The following CCDC171 variants were observed in gnomAD, a reference collection of about 807,000 sequenced individuals.
CCDC171 encodes coiled-coil domain-containing protein 171.
CCDC171 carries 177 observed loss-of-function variants against 168.2 expected under a neutral mutation model. The observed-to-expected ratio is 1.05, with a 90% CI of 0.93 to 1.19. The LOEUF is 1.19. Ranked by LOEUF, CCDC171 falls within the 50% of genes most tolerant of loss-of-function variation. The pLI, the probability that CCDC171 is intolerant of heterozygous loss-of-function variation, is 0.00. For missense variants in CCDC171, 1,991 were observed against 1,539.0 expected (o/e 1.29, Z -4.91); for synonymous variants, 687 against 540.8 (o/e 1.27, Z -3.75).
At chr9:15,710,609 T>G (rs920447966) in intron 11 of CCDC171, among the ~76,000 whole-genome samples, 1 of 143,466 alleles carries the variant, frequency 7.0e-6, no homozygotes, top group Non-Finnish European at 1.5e-5. Flanking sequence ...CCCTCTTTCA[T>G]TTTTTTGAGA....
At chr9:15,822,442 A>G (rs1038970263) in intron 21 of CCDC171, among the ~76,000 whole-genome samples, 2 of 151,960 alleles carry the variant, frequency 1.3e-5, no homozygotes, top group Admixed American at 1.3e-4. Context: ...CATCTGACAA[A>G]GGGCTAATAT....
chr9:15,748,811 C>T (rs1488276800), intron 18 of CCDC171, among the ~76,000 whole-genome samples: 2 of 152,268 alleles, frequency 1.3e-5, no homozygotes, highest in African/African-American at 4.8e-5. Context: ...CTTACAAGAG[C>T]TCCTGAAGGA....
the CCDC171 span, among the ~76,000 whole-genome samples, chr9:16,077,465 G>C: frequency 7.9e-5 from 12 of 152,180 alleles, no homozygotes; most frequent in African/African-American, 2.4e-4. Flanking sequence ...GCTTGGCCAA[G>C]CGAATCACTT....
At chr9:16,067,112 C>T in the CCDC171 span, among the ~76,000 whole-genome samples, 4 of 151,946 alleles carry the variant, frequency 2.6e-5, no homozygotes, top group Non-Finnish European at 5.9e-5. Context: ...TCCACATCCT[C>T]TCCAGCACCT....
At chr9:16,058,398 AGCAGGTATGCT>A (rs573062687) in intron 1 of CCDC171, among the ~76,000 whole-genome samples, 129 of 152,202 alleles carry the variant, frequency 8.5e-4, no homozygotes, top group African/African-American at 2.5e-3. Context: ...CTGCAGTGAC[AGCAGGTATGCT>A]GCAGGTATGC....
intron 16 of CCDC171, among the ~76,000 whole-genome samples, chr9:15,737,896 CAATCCCATTAGCAA>C (rs1389947213): frequency 6.6e-6 from 1 of 152,110 alleles, no homozygotes; most frequent in East Asian, 1.9e-4. Context: ...CACTATTTTA[CAATCCCATTAGCAA>C]TGTCTGAGAG....
chr9:15,870,620 C>T (rs2061994360), intron 23 of CCDC171, among the ~76,000 whole-genome samples: 2 of 151,438 alleles, frequency 1.3e-5, no homozygotes, highest in East Asian at 3.9e-4. Context: ...GCTTGGTATC[C>T]AATTGGTAAA....
chr9:15,642,341 GTGTATA>G (rs1190635889), intron 7 of CCDC171, among the ~76,000 whole-genome samples: 84 of 40,930 alleles, frequency 2.1e-3, no homozygotes, highest in African/African-American at 5.2e-3. Context: ...ACGTGTGTGT[GTGTATA>G]TATATATATA....
At chr9:15,555,627 C>T (rs1011097824) in intron 1 of CCDC171, among the ~76,000 whole-genome samples, 5 of 152,090 alleles carry the variant, frequency 3.3e-5, no homozygotes, top group Non-Finnish European at 5.9e-5. Flanking sequence ...AAATCCTGAC[C>T]CTGTCACTAG....
At chr9:15,964,823 C>T (rs757633569) in intron 25 of CCDC171, among the ~76,000 whole-genome samples, 3 of 152,118 alleles carry the variant, frequency 2.0e-5, no homozygotes, top group Admixed American at 6.5e-5. Context: ...TGCAATGGCG[C>T]GATCTCAGCT....
chr9:15,627,190 A>G (rs574729463), intron 7 of CCDC171, among the ~76,000 whole-genome samples: 88 of 151,736 alleles, frequency 5.8e-4, no homozygotes, highest in African/African-American at 2.0e-3. Context: ...TGTTGCGCCT[A>G]TTTGATTCTT....
intron 3 of CCDC171, among the ~76,000 whole-genome samples, chr9:15,993,175 T>G (rs1256063317): frequency 6.6e-6 from 1 of 151,722 alleles, no homozygotes; most frequent in South Asian, 2.1e-4. Context: ...GGAGGCATCA[T>G]GCTACCTGAC....
At chr9:16,055,996 G>A (rs1833832925) in intron 1 of CCDC171, among the ~76,000 whole-genome samples, 1 of 152,196 alleles carries the variant, frequency 6.6e-6, no homozygotes, top group Non-Finnish European at 1.5e-5. Flanking sequence ...ATGTTTCTGA[G>A]AAGGAGGCAA....
chr9:15,754,366 A>G (rs2055959466), intron 18 of CCDC171, among the ~76,000 whole-genome samples: 2 of 152,086 alleles, frequency 1.3e-5, no homozygotes, highest in African/African-American at 2.4e-5. Context: ...ATAAATGAAG[A>G]TATTATCTTC....
At chr9:15,898,275 T>C (rs1821161089) in intron 24 of CCDC171, among the ~76,000 whole-genome samples, 1 of 152,138 alleles carries the variant, frequency 6.6e-6, no homozygotes, top group Non-Finnish European at 1.5e-5. Flanking sequence ...TTGTAGAGTG[T>C]GGGGTTCACC....
intron 11 of CCDC171, among the ~76,000 whole-genome samples, chr9:15,701,786 C>G (rs930358888): frequency 6.6e-6 from 1 of 152,078 alleles, no homozygotes; most frequent in Non-Finnish European, 1.5e-5. Flanking sequence ...TAAGGAACTC[C>G]TCAAAGTCAT....
chr9:15,838,805 G>T (rs548865751), intron 21 of CCDC171, among the ~76,000 whole-genome samples: 1 of 152,256 alleles, frequency 6.6e-6, no homozygotes, highest in East Asian at 1.9e-4. Context: ...TAGCAGCTAA[G>T]ATCTCCCTAA....
In CCDC171 at chr9:15,724,961, C is replaced by G. The variant is rs147078175; in HGVS notation, c.1677C>G (p.Phe559Leu). 1.2e-6 allele frequency: 2 copies of G among 1,613,538 alleles called. No homozygotes were observed. Among genetic ancestry groups the G allele is most frequent in the African/African-American group, 1.3e-5 (1 of 74,882 alleles). Residue 559 changes from phenylalanine (F) to leucine (L), a missense_variant, in exon 14 of 26, where the codon TTC becomes TTG. Phe to Leu is a conservative substitution (Grantham distance 22, BLOSUM62 0). Coordinates refer to ENST00000380701, the MANE Select transcript of CCDC171 (RefSeq NM_173550.4). Reference sequence around the variant, plus strand: ...AACTGCAGAAGCTTTCCCAGGCTTTCCATAAGGATGCAGAGGTATTACCTG... The same window carrying G: ...AACTGCAGAAGCTTTCCCAGGCTTTGCATAAGGATGCAGAGGTATTACCTG... ...ESELQKLSQA[F>L]HKDAEEKLTF...
At chr9:16,101,748 C>A in the CCDC171 span, among the ~76,000 whole-genome samples, 12 of 152,208 alleles carry the variant, frequency 7.9e-5, no homozygotes, top group Non-Finnish European at 1.5e-5. Flanking sequence ...GAGTGGTCAG[C>A]CCCTAGGAGC....
Sources: gnomAD v4.1 joint callset for allele counts (sites outside exome capture counted in the v4.1 genomes callset) on GRCh38, gnomAD v4.1.1 for gene constraint, MANE v1.5 for transcripts, NCBI Gene and HGNC (gene_info 2026-07-23, HGNC 2026-07-21) for gene names.